ZNF469: variants seen among roughly 807,000 people sequenced by gnomAD.
ZNF469 encodes zinc finger protein 469.
ZNF469 carries 1 observed loss-of-function variant against 1.0 expected under a neutral mutation model. That is an observed-to-expected ratio of 1.00 (90% CI 0.35 to 4.73). The LOEUF (loss-of-function observed/expected upper bound fraction) is 4.73. Ranked by LOEUF, ZNF469 falls within the 30% of genes most tolerant of loss-of-function variation. The pLI is 0.16. For synonymous variants in ZNF469, 2,703 were observed against 2,363.4 expected (o/e 1.14, Z -4.17); for missense variants, 6,100 against 5,356.3 (o/e 1.14, Z -4.33).
At chr16:88,200,726 A>G in the ZNF469 span, among the ~76,000 whole-genome samples, 1 of 152,256 alleles carries the variant, frequency 6.6e-6, no homozygotes, top group African/African-American at 2.4e-5. Flanking sequence ...GGAAACACAT[A>G]AAATGTGACT....
chr16:88,217,535 C>T, the ZNF469 span, among the ~76,000 whole-genome samples: 4 of 146,966 alleles, frequency 2.7e-5, no homozygotes, highest in African/African-American at 7.6e-5. Flanking sequence ...TGGTGTGCTG[C>T]ACCCACTAAC....
rs1442741772 is a variant in ZNF469, at chr16:88,438,378, C to T, written c.10908C>T (p.Asp3636=). 4 of 1,550,040 alleles carry T rather than the reference C, an allele frequency of 2.6e-6. No individual in the cohort carries two copies. The highest frequency in any genetic ancestry group is 3.5e-6 in the Non-Finnish European group (4 of 1,146,960). ...APGARGRCAP[D]HFQEDHLLQK... ...GTGCCCGTGGCAGGTGTGCCCCTGA[C>T]CATTTCCAGGAAGACCACCTACTTC... is the stretch of plus-strand genomic sequence containing the variant. Residue 3636 remains aspartate, a synonymous_variant, in exon 3 of 3, where the codon GAC becomes GAT. Coordinates refer to ENST00000565624, the MANE Select transcript of ZNF469 (RefSeq NM_001367624.2).
the ZNF469 span, among the ~76,000 whole-genome samples, chr16:88,164,278 G>T: frequency 1.1e-4 from 17 of 151,978 alleles, no homozygotes; most frequent in Non-Finnish European, 2.2e-4. Context: ...TATGTGGATG[G>T]GTAGATGAAT....
At chr16:88,253,091 T>C in the ZNF469 span, among the ~76,000 whole-genome samples, 1 of 152,232 alleles carries the variant, frequency 6.6e-6, no homozygotes, top group African/African-American at 2.4e-5. Flanking sequence ...TATCACCGTT[T>C]CAGGTCACTT....
chr16:88,104,264 A>T, the ZNF469 span, among the ~76,000 whole-genome samples: 1 of 151,854 alleles, frequency 6.6e-6, no homozygotes, highest in South Asian at 2.1e-4. Flanking sequence ...AAAAAAAAAA[A>T]AAAGACAAGG....
intron 1 of ZNF469, among the ~76,000 whole-genome samples, chr16:88,394,115 A>G (rs1904581616): frequency 6.6e-6 from 1 of 151,222 alleles, no homozygotes; most frequent in East Asian, 1.9e-4. Context: ...GCGCTGTCTG[A>G]GAGGAGCGGG....
the ZNF469 span, among the ~76,000 whole-genome samples, chr16:88,335,144 T>C: frequency 6.6e-6 from 1 of 152,078 alleles, no homozygotes; most frequent in African/African-American, 2.4e-5. Context: ...TCCGGGGCTG[T>C]GAGAGGATGA....
the ZNF469 span, among the ~76,000 whole-genome samples, chr16:88,360,374 C>T: frequency 6.6e-6 from 1 of 152,168 alleles, no homozygotes; most frequent in African/African-American, 2.4e-5. Context: ...ACTCGAGCGC[C>T]ATTCAGTGAG....
the ZNF469 span, among the ~76,000 whole-genome samples, chr16:88,221,675 C>T: frequency 1.3e-5 from 2 of 152,238 alleles, no homozygotes; most frequent in South Asian, 4.1e-4. Flanking sequence ...CAGAGGACCA[C>T]ACACCGGGGG....
Position 88,435,330 on chromosome 16 carries a change from C to T in ZNF469, c.7860C>T (p.Thr2620=), listed in dbSNP as rs1438352502. 4 of 1,550,328 alleles carry T rather than the reference C, an allele frequency of 2.6e-6. No individual in the cohort carries two copies. Among genetic ancestry groups the T allele is most frequent in the Admixed American group, 2.0e-5 (1 of 51,010 alleles). The change falls in exon 3 of 3, where the codon ACC becomes ACT. Residue 2620 remains threonine, a synonymous_variant. Transcript: ENST00000565624. The part of the protein sequence containing the change: ...REGRRWRREP[T]VDSPSHSEGK... ...GCCGGAGGTGGCGCCGAGAGCCCAC[C>T]GTGGACTCTCCTAGCCACTCAGAGG... is the stretch of plus-strand genomic sequence containing the variant.
intron 1 of ZNF469, among the ~76,000 whole-genome samples, chr16:88,400,467 C>T (rs1273637167): frequency 2.0e-5 from 3 of 152,240 alleles, no homozygotes; most frequent in Non-Finnish European, 2.9e-5. Context: ...CAGGAAGGAG[C>T]ACAGTCCCAG....
chr16:88,337,794 A>G, the ZNF469 span, among the ~76,000 whole-genome samples: 1 of 152,146 alleles, frequency 6.6e-6, no homozygotes, highest in African/African-American at 2.4e-5. Flanking sequence ...TGCGTTGGAG[A>G]AGCCCACTCA....
At chr16:88,253,574 G>C in the ZNF469 span, among the ~76,000 whole-genome samples, 4 of 151,068 alleles carry the variant, frequency 2.6e-5, no homozygotes, top group African/African-American at 9.8e-5. Flanking sequence ...GTCTCATTCT[G>C]TTGCCCAGGC....
intron 1 of ZNF469, among the ~76,000 whole-genome samples, chr16:88,414,741 G>C (rs1905260998): frequency 6.6e-6 from 1 of 152,248 alleles, no homozygotes; most frequent in Non-Finnish European, 1.5e-5. Flanking sequence ...CCAGGGAACA[G>C]GGCTCTTCAG....
At chr16:88,371,108 A>G in the ZNF469 span, among the ~76,000 whole-genome samples, 3 of 152,388 alleles carry the variant, frequency 2.0e-5, no homozygotes, top group Admixed American at 1.3e-4. Flanking sequence ...CTGAATCATG[A>G]GAAATAATCT....
At chr16:88,388,082 C>T (rs1599343891) in intron 1 of ZNF469, among the ~76,000 whole-genome samples, 1 of 152,266 alleles carries the variant, frequency 6.6e-6, no homozygotes, top group Non-Finnish European at 1.5e-5. Context: ...AGAGTGGCTG[C>T]AGAGGGGCTC....
In ZNF469 at chr16:88,424,337, G is replaced by A. The variant is rs1905609447; in HGVS notation, c.-191-470G>A. Among the ~76,000 whole-genome samples the A allele has an allele frequency of 6.6e-6, 1 of 152,204 alleles. No individual in the cohort carries two copies. The highest frequency in any genetic ancestry group is 1.5e-5 in the Non-Finnish European group (1 of 68,034). On this transcript the variant is annotated intron_variant, in intron 1 of 2. Coordinates refer to ENST00000565624, the MANE Select transcript of ZNF469 (RefSeq NM_001367624.2). This position sits in a 1 kb window ranked among gnomAD's most constrained non-coding sequence, Gnocchi z 4.3. ...ATCTTCTGTTGAAGGAAGGAGGAAA[G>A]GCAGTGTGTGTTCCTGTGTGCTGGT...
At chr16:88,300,666 C>A in the ZNF469 span, among the ~76,000 whole-genome samples, 1 of 152,088 alleles carries the variant, frequency 6.6e-6, no homozygotes, top group East Asian at 1.9e-4. Context: ...ACAAGTGAGT[C>A]GTGAGTGGGC....
chr16:88,426,087 G>A (rs1002043972), intron 2 of ZNF469, among the ~76,000 whole-genome samples: 2 of 152,236 alleles, frequency 1.3e-5, no homozygotes, highest in African/African-American at 4.8e-5. Flanking sequence ...TCCGGGAGGG[G>A]CATGAGACAC....
Sources: gnomAD v4.1 joint callset for allele counts (sites outside exome capture counted in the v4.1 genomes callset) on GRCh38, gnomAD v4.1.1 for gene constraint, Gnocchi (gnomAD v3.1) non-coding constraint, MANE v1.5 for transcripts, NCBI Gene and HGNC (gene_info 2026-07-23, HGNC 2026-07-21) for gene names.